PCDHGB1: variants seen among roughly 807,000 people sequenced by gnomAD.
PCDHGB1 encodes the protein protocadherin gamma-B1.
A neutral mutation model predicts 56.6 loss-of-function variants in PCDHGB1; 34 were observed. The observed-to-expected ratio is 0.60, with a 90% CI of 0.46 to 0.80. The LOEUF is 0.80. Among genes scored for constraint, PCDHGB1 ranks in the 30% least tolerant of loss-of-function variants. PCDHGB1 has a pLI of 0.00. For synonymous variants in PCDHGB1, 561 were observed against 505.9 expected (o/e 1.11, Z -1.46); for missense variants, 1,278 against 1,204.6 (o/e 1.06, Z -0.90).
chr5:141,375,059 G>C, intron 1 of PCDHGB1: 1 of 1,614,038 alleles, frequency 6.2e-7, no homozygotes, highest in Non-Finnish European at 8.5e-7. Flanking sequence ...GGATGGGCCA[G>C]GTCTTCGAGA....
chr5:141,357,757 G>C (rs932647509), intron 1 of PCDHGB1: 1 of 1,061,794 alleles, frequency 9.4e-7, no homozygotes, highest in African/African-American at 1.6e-5. Flanking sequence ...AAAACTGGTG[G>C]ATGACCTTCC....
chr5:141,433,017 A>T, intron 1 of PCDHGB1: 1 of 1,614,124 alleles, frequency 6.2e-7, no homozygotes, highest in Non-Finnish European at 8.5e-7. Flanking sequence ...CTGCAGACCT[A>T]TTCCCACGAG....
intron 1 of PCDHGB1, among the ~76,000 whole-genome samples, chr5:141,484,358 G>A (rs2099595185): frequency 6.6e-6 from 1 of 152,160 alleles, no homozygotes; most frequent in South Asian, 2.1e-4. Flanking sequence ...AGTGTATCTA[G>A]TGTATCACTA....
intron 1 of PCDHGB1, chr5:141,403,407 A>T (rs2094404225): frequency 6.2e-7 from 1 of 1,613,940 alleles, no homozygotes. Context: ...GGAGCACGTT[A>T]TCCACTTCCA....
intron 1 of PCDHGB1, chr5:141,418,929 T>A: frequency 6.2e-7 from 1 of 1,614,034 alleles, no homozygotes; most frequent in Non-Finnish European, 8.5e-7. Flanking sequence ...GATCAGATTA[T>A]GGAGGATTCC....
At chr5:141,384,579 C>T (rs746315101) in intron 1 of PCDHGB1, 13 of 1,614,128 alleles carry the variant, frequency 8.1e-6, no homozygotes, top group African/African-American at 8.0e-5. Flanking sequence ...ACAACCCGCC[C>T]GAGATCCTGT....
intron 1 of PCDHGB1, among the ~76,000 whole-genome samples, chr5:141,471,107 G>T (rs1023848236): frequency 1.3e-5 from 2 of 148,554 alleles, no homozygotes; most frequent in East Asian, 2.0e-4. Context: ...AGAGTGCAGT[G>T]GTGCGATCTT....
At chr5:141,437,096 C>T (rs989863634) in intron 1 of PCDHGB1, among the ~76,000 whole-genome samples, 6 of 152,122 alleles carry the variant, frequency 3.9e-5, no homozygotes, top group Non-Finnish European at 8.8e-5. Context: ...AAACTAACGG[C>T]TTAGCTTTAG....
At position 141,489,318 on chromosome 5, in the gene PCDHGB1, G is replaced by T; in HGVS notation, c.2410-5489G>T. On this transcript the variant is annotated intron_variant, in intron 1 of 3. Coordinates refer to ENST00000523390, the MANE Select transcript of PCDHGB1 (RefSeq NM_018922.3). The surrounding 1 kb of genome is among the most constrained non-coding windows in gnomAD (Gnocchi z 4.5). ...TGTTGTCCTTGTGCTGCTGGGGCTG[G>T]GTGTCTGGGCAGCTTCGTTACTCAG... The T allele has an allele frequency of 6.3e-7, 1 of 1,599,092 alleles. No homozygotes were observed. Among genetic ancestry groups the T allele is most frequent in the Non-Finnish European group, 8.5e-7 (1 of 1,171,660 alleles).
chr5:141,394,487 C>T (rs371014360), intron 1 of PCDHGB1: 11 of 1,614,248 alleles, frequency 6.8e-6, no homozygotes, highest in African/African-American at 5.3e-5. Context: ...AGAATGACAA[C>T]GCGCCCGAGA....
In PCDHGB1 at chr5:141,355,168, C is replaced by T. The variant is rs767745541; in HGVS notation, c.2409+2499C>T. ...TCCTCAGGCCTCGACAGAGGGAAAA[C>T]CGAAGCACAGGCGACTCCGCGGCGG... On this transcript the variant is annotated intron_variant, in intron 1 of 3. Transcript: ENST00000523390. 3 of 1,568,158 alleles carry T rather than the reference C, an allele frequency of 1.9e-6. No homozygotes were observed. In the African/African-American group the frequency reaches 4.1e-5, roughly 21 times the overall value.
At chr5:141,440,912 G>A (rs1281398967) in intron 1 of PCDHGB1, 1 of 152,254 alleles carries the variant, frequency 6.6e-6, no homozygotes, top group African/African-American at 2.4e-5. Context: ...GGGCACTCCT[G>A]TGCTGAGAGT....
chr5:141,450,823 A>AT (rs1453980247), intron 1 of PCDHGB1, among the ~76,000 whole-genome samples: 4 of 133,078 alleles, frequency 3.0e-5, no homozygotes, highest in African/African-American at 1.2e-4. Context: ...TAATATTATT[A>AT]TTATTATTTT....
chr5:141,357,743 A>G (rs1760722694), intron 1 of PCDHGB1: 1 of 1,230,492 alleles, frequency 8.1e-7, no homozygotes. Context: ...TTATTGCTTT[A>G]AAGAAAACTG....
At chr5:141,406,446 C>T (rs1292880739) in intron 1 of PCDHGB1, among the ~76,000 whole-genome samples, 1 of 152,200 alleles carries the variant, frequency 6.6e-6, no homozygotes, top group Non-Finnish European at 1.5e-5. Flanking sequence ...TCTTCCATTT[C>T]TATGACAGGA....
chr5:141,415,740 GTTTTTTTTTTT>G lies in PCDHGB1; in HGVS notation c.2409+63093_2409+63103del, dbSNP rs57426385. On this transcript the variant is annotated intron_variant, in intron 1 of 3. Transcript: ENST00000523390. ...TGAGTAGAATTTGATGTTTATTAAGGTTTTTTTTTTTTTTTTTTTTTTTTTTTTTTTTACTT... is the reference window on the plus strand; with the variant it reads ...TGAGTAGAATTTGATGTTTATTAAGGTTTTTTTTTTTTTTTTTTTTTACTT... 695 of 624,702 alleles carry G rather than the reference GTTTTTTTTTTT, an allele frequency of 1.1e-3. 1 individual carries two copies. Among genetic ancestry groups the G allele is most frequent in the East Asian group, 1.8e-3 (27 of 14,732 alleles). 38.7% of individuals were successfully genotyped at this position (624,702 alleles called of 1,614,324 possible).
chr5:141,389,081 G>C (rs371979686), intron 1 of PCDHGB1: 2 of 1,613,978 alleles, frequency 1.2e-6, no homozygotes, highest in Admixed American at 1.7e-5. Flanking sequence ...CAAGAAACAC[G>C]TATAAATTAG....
At chr5:141,501,841 C>T (rs2099811330) in intron 2 of PCDHGB1, among the ~76,000 whole-genome samples, 1 of 152,130 alleles carries the variant, frequency 6.6e-6, no homozygotes, top group African/African-American at 2.4e-5. Flanking sequence ...CTGTTTGGCC[C>T]TCAACCTTCA....
At position 141,487,578 on chromosome 5, in the gene PCDHGB1, C is replaced by T. The variant is rs1293087014; in HGVS notation, c.2410-7229C>T. The T allele has an allele frequency of 1.2e-6, 2 of 1,614,052 alleles. No individual in the cohort carries two copies. Among genetic ancestry groups the T allele is most frequent in the Non-Finnish European group, 1.7e-6 (2 of 1,180,044 alleles). ...CCTATGGCAGGGGAGCCTGTTCGCC[C>T]AAGCTGCCCACCCTCTGATCTTCTC... On this transcript the variant is annotated intron_variant, in intron 1 of 3. Coordinates refer to ENST00000523390, the MANE Select transcript of PCDHGB1 (RefSeq NM_018922.3). The surrounding 1 kb of genome is among the most constrained non-coding windows in gnomAD (Gnocchi z 5.0).
Sources: allele counts gnomAD v4.1 joint callset (sites outside exome capture counted in the v4.1 genomes callset), GRCh38; gene constraint gnomAD v4.1.1; non-coding constraint Gnocchi (gnomAD v3.1); transcripts MANE v1.5; gene names NCBI Gene and HGNC (gene_info 2026-07-23, HGNC 2026-07-21).